ANXA4: variants seen among roughly 807,000 people sequenced by gnomAD.
ANXA4 encodes the protein annexin A4, also known as 35-beta calcimedin.
A neutral mutation model predicts 49.8 loss-of-function variants in ANXA4; 39 were observed. The observed-to-expected ratio is 0.78, with a 90% CI of 0.61 to 1.02. The LOEUF (loss-of-function observed/expected upper bound fraction) is 1.02, where lower values mean the gene tolerates loss of function less well. Among genes scored for constraint, ANXA4 ranks in the 50% least tolerant of loss-of-function variants. The probability of loss-of-function intolerance (pLI) is 0.00; values close to 1 mark genes in which losing one functional copy is unlikely to be tolerated. For missense variants in ANXA4, 360 were observed against 410.1 expected (o/e 0.88, Z 1.05); for synonymous variants, 134 against 152.5 (o/e 0.88, Z 0.89).
intron 2 of ANXA4, among the ~76,000 whole-genome samples, chr2:69,676,111 A>G (rs888711192): frequency 3.3e-5 from 5 of 151,964 alleles, no homozygotes; most frequent in Non-Finnish European, 7.4e-5. Context: ...AAAAAACTAA[A>G]TCAAGATCAT....
chr2:69,802,620 A>G (rs1673254018), intron 3 of ANXA4, among the ~76,000 whole-genome samples: 1 of 151,262 alleles, frequency 6.6e-6, no homozygotes, highest in South Asian at 2.1e-4. Context: ...CTGAGGCAGG[A>G]GAATCGCTTG....
Position 69,804,670 on chromosome 2 carries a change from C to T in ANXA4, c.192+43C>T, listed in dbSNP as rs374580231. 38 of 1,507,192 alleles carry T rather than the reference C, an allele frequency of 2.5e-5. 1 individual carries two copies. In the African/African-American group the frequency reaches 3.0e-4, roughly 12 times the overall value. 93.4% of individuals were successfully genotyped at this position (1,507,192 alleles called of 1,614,324 possible). A position where few individuals can be genotyped will look rare whatever the true frequency, so the allele number is the denominator to read the frequency against. On this transcript the variant is annotated intron_variant, in intron 4 of 12. Transcript: ENST00000394295. The stretch of plus-strand genomic sequence containing the variant: ...CTGCTCTGTCTGGCTGACTTCGCAG[C>T]AACAGGAAGCAGGGCCTCTTCCTGA...
At chr2:69,667,494 T>A (rs1676981276) in intron 2 of ANXA4, among the ~76,000 whole-genome samples, 1 of 150,848 alleles carries the variant, frequency 6.6e-6, no homozygotes, top group African/African-American at 2.4e-5. Flanking sequence ...AAAATAAAAG[T>A]CCCATAAAAG....
At chr2:69,700,895 C>G (rs1207205843) in intron 2 of ANXA4, among the ~76,000 whole-genome samples, 1 of 152,080 alleles carries the variant, frequency 6.6e-6, no homozygotes, top group East Asian at 1.9e-4. Context: ...GATTTTGAGA[C>G]AGAGTCCCAC....
At chr2:69,699,931 G>T (rs998988812) in intron 2 of ANXA4, among the ~76,000 whole-genome samples, 3 of 152,206 alleles carry the variant, frequency 2.0e-5, no homozygotes, top group Non-Finnish European at 4.4e-5. Flanking sequence ...GCCCCAGCAG[G>T]AAGGCAGCCA....
chr2:69,802,376 T>G (rs1673238596), intron 3 of ANXA4, among the ~76,000 whole-genome samples: 1 of 152,184 alleles, frequency 6.6e-6, no homozygotes, highest in Admixed American at 6.5e-5. Context: ...ACATTTTGCA[T>G]GACCGTGGAC....
chr2:69,647,236 C>T (rs1312807870), intron 1 of ANXA4, among the ~76,000 whole-genome samples: 1 of 152,102 alleles, frequency 6.6e-6, no homozygotes, highest in Non-Finnish European at 1.5e-5. Flanking sequence ...GTCAGGATCA[C>T]CAGCCTGCAG....
chr2:69,705,903 G>T (rs780385168), intron 2 of ANXA4, among the ~76,000 whole-genome samples: 2 of 152,160 alleles, frequency 1.3e-5, no homozygotes, highest in African/African-American at 2.4e-5. Flanking sequence ...CTGGACTCCA[G>T]CCTAGGTAAC....
intron 1 of ANXA4, among the ~76,000 whole-genome samples, chr2:69,772,111 A>G (rs1671744184): frequency 6.6e-6 from 1 of 152,208 alleles, no homozygotes; most frequent in South Asian, 2.1e-4. Flanking sequence ...TCATCTTTCC[A>G]TCTGGAACAG....
At chr2:69,772,432 A>G (rs956573315) in intron 1 of ANXA4, among the ~76,000 whole-genome samples, 2 of 152,112 alleles carry the variant, frequency 1.3e-5, no homozygotes, top group African/African-American at 4.8e-5. Context: ...TGGGAAGGTT[A>G]TAGGTGGAAC....
chr2:69,648,783 T>G (rs1473560115), intron 1 of ANXA4, among the ~76,000 whole-genome samples: 2 of 122,218 alleles, frequency 1.6e-5, no homozygotes, highest in African/African-American at 6.4e-5. Flanking sequence ...AGTGCACCAC[T>G]GCACTCCATC....
chr2:69,781,382 A>G (rs570976411), intron 1 of ANXA4, 138 bp from the exon 2 acceptor site: 32 of 673,618 alleles, frequency 4.8e-5, no homozygotes, highest in African/African-American at 4.5e-4. Flanking sequence ...ATCTTTGGCT[A>G]ATCAGTAACT....
At chr2:69,691,927 C>G (rs1208895605) in intron 2 of ANXA4, among the ~76,000 whole-genome samples, 2 of 152,262 alleles carry the variant, frequency 1.3e-5, no homozygotes, top group African/African-American at 4.8e-5. Context: ...ACTCTGTCAC[C>G]CAGGCTGGAG....
intron 2 of ANXA4, among the ~76,000 whole-genome samples, chr2:69,699,952 G>T (rs892779630): frequency 2.0e-5 from 3 of 152,198 alleles, no homozygotes; most frequent in African/African-American, 7.2e-5. Flanking sequence ...TTCCAAAGAC[G>T]TCCCAATGCA....
At chr2:69,682,031 G>A (rs964036356) in intron 2 of ANXA4, among the ~76,000 whole-genome samples, 1 of 151,928 alleles carries the variant, frequency 6.6e-6, no homozygotes, top group Admixed American at 6.6e-5. Flanking sequence ...TAGAGACAGG[G>A]TCTCCCTATG....
At chr2:69,721,396 C>T (rs1573145762) in intron 3 of ANXA4, among the ~76,000 whole-genome samples, 1 of 152,176 alleles carries the variant, frequency 6.6e-6, no homozygotes, top group East Asian at 1.9e-4. Context: ...AGCAATAACA[C>T]AAGCAAATCT....
At chr2:69,711,198 C>A (rs575193690) in intron 2 of ANXA4, among the ~76,000 whole-genome samples, 8 of 152,270 alleles carry the variant, frequency 5.3e-5, no homozygotes, top group African/African-American at 1.9e-4. Context: ...GGCATAGTGA[C>A]ACACACCTGT....
chr2:69,818,684 G>C lies in ANXA4; in HGVS notation c.714G>C (p.Leu238=), dbSNP rs1405498402. 6.2e-7 allele frequency: 1 copy of C among 1,606,552 alleles called. No homozygotes were observed. Among genetic ancestry groups the C allele is most frequent in the Admixed American group, 1.7e-5 (1 of 59,398 alleles). Residue 238 remains leucine, a synonymous_variant, in exon 10 of 13, where the codon CTG becomes CTC. Transcript: ENST00000394295. ...SETSGSFEDA[L]LAIVKCMRNK... ...CATCTGGTAGCTTTGAAGATGCTCTGCTGGCTATAGGTAAGCTGGTAGGGG... is the reference window on the plus strand; with the variant it reads ...CATCTGGTAGCTTTGAAGATGCTCTCCTGGCTATAGGTAAGCTGGTAGGGG...
chr2:69,758,166 C>A (rs1054530871), intron 1 of ANXA4, among the ~76,000 whole-genome samples: 7 of 152,226 alleles, frequency 4.6e-5, no homozygotes, highest in African/African-American at 1.7e-4. Context: ...GCGTGCACCA[C>A]CATGCCCAGG....
Sources: gnomAD v4.1 joint callset for allele counts (sites outside exome capture counted in the v4.1 genomes callset) on GRCh38, gnomAD v4.1.1 for gene constraint, MANE v1.5 for transcripts, NCBI Gene and HGNC (gene_info 2026-07-23, HGNC 2026-07-21) for gene names.